Variants in NDUFA10 observed in about 807,000 individuals in gnomAD.
NDUFA10 encodes NADH:ubiquinone oxidoreductase subunit A10, also known as NADH dehydrogenase [ubiquinone] 1 alpha subcomplex subunit 10, mitochondrial.
NDUFA10 carries 40 observed loss-of-function variants against 47.8 expected under a neutral mutation model. That is an observed-to-expected ratio of 0.84 (90% CI 0.65 to 1.09). The LOEUF (loss-of-function observed/expected upper bound fraction) is 1.09, where lower values mean the gene tolerates loss of function less well. NDUFA10 is among the 50% of genes least tolerant of loss of function. The pLI is 0.00. For missense variants in NDUFA10, 413 were observed against 451.1 expected, an observed-to-expected ratio of 0.92 and a Z score of 0.76; for synonymous variants, 183 against 172.2, an observed-to-expected ratio of 1.06 and a Z score of -0.49.
chr2:239,976,930 C>T (rs565143993), intron 9 of NDUFA10, among the ~76,000 whole-genome samples: 7 of 152,164 alleles, frequency 4.6e-5, no homozygotes, highest in Non-Finnish European at 1.0e-4. Context: ...ACCCAAACAG[C>T]AGCTGTGCAC....
At chr2:240,000,450 AC>A (rs1464555070) in intron 8 of NDUFA10, among the ~76,000 whole-genome samples, 1 of 152,266 alleles carries the variant, frequency 6.6e-6, no homozygotes, top group African/African-American at 2.4e-5. Context: ...ATCAGAAAAT[AC>A]TTCTAGAATA....
downstream of NDUFA10, among the ~76,000 whole-genome samples, chr2:239,953,931 G>A (rs1377393432): frequency 6.6e-6 from 1 of 152,092 alleles, no homozygotes; most frequent in Admixed American, 6.5e-5. Context: ...GTGGGGAGTG[G>A]GTTCCACCTG....
intron 4 of NDUFA10, among the ~76,000 whole-genome samples, chr2:239,949,616 C>T (rs1487864317): frequency 6.6e-6 from 1 of 152,226 alleles, no homozygotes; most frequent in African/African-American, 2.4e-5. Flanking sequence ...ACCTCAGCCT[C>T]CCACATAGCT....
chr2:239,998,443 C>T (rs1237893953), intron 8 of NDUFA10, among the ~76,000 whole-genome samples: 2 of 152,250 alleles, frequency 1.3e-5, no homozygotes, highest in Non-Finnish European at 2.9e-5. Context: ...ACAGCTCTTG[C>T]GCTCTCAGAA....
intron 4 of NDUFA10, among the ~76,000 whole-genome samples, chr2:239,949,735 G>T (rs1694520775): frequency 6.6e-6 from 1 of 152,120 alleles, no homozygotes; most frequent in Non-Finnish European, 1.5e-5. Context: ...TCCCACCTCA[G>T]CCTCCCAAAG....
rs918609035 is a variant in NDUFA10, at chr2:240,016,866, A to G, written c.547+1687T>C. 6.6e-6 allele frequency among the ~76,000 whole-genome samples: 1 copy of G among 151,900 alleles called. No homozygotes were observed. Among genetic ancestry groups the G allele is most frequent in the African/African-American group, 2.4e-5 (1 of 41,316 alleles). On this transcript the variant is annotated intron_variant, in intron 4 of 9. Transcript: ENST00000252711. The surrounding 1 kb of genome is among the most constrained non-coding windows in gnomAD (Gnocchi z 4.4). ...TGCCACCTTGCCATGGGAACCTCAC[A>G]CTCAGGAATCCAACGCCCAAACATG...
chr2:239,955,856 G>A (rs1412905032), downstream of NDUFA10, among the ~76,000 whole-genome samples: 1 of 152,154 alleles, frequency 6.6e-6, no homozygotes, highest in African/African-American at 2.4e-5. Context: ...CTCAGCAGAT[G>A]CAACCTCAAC....
chr2:239,991,446 G>A (rs917135892), intron 8 of NDUFA10, among the ~76,000 whole-genome samples: 6 of 152,120 alleles, frequency 3.9e-5, no homozygotes, highest in African/African-American at 1.2e-4. Flanking sequence ...AGATAAGATC[G>A]TTTTCTTAGT....
At chr2:239,916,693 T>C (rs1236375490) in intron 4 of NDUFA10, among the ~76,000 whole-genome samples, 1 of 152,252 alleles carries the variant, frequency 6.6e-6, no homozygotes, top group Non-Finnish European at 1.5e-5. Flanking sequence ...CGAGGGCCGC[T>C]CTCTGCTCCC....
chr2:239,998,123 A>G (rs73105386), intron 8 of NDUFA10, among the ~76,000 whole-genome samples: 30,260 of 152,220 alleles, frequency 0.2, 3,424 homozygotes, highest in African/African-American at 0.31. Flanking sequence ...GTGGTGGCAG[A>G]AGCGCAGGTG....
In NDUFA10 at chr2:239,899,036, A is replaced by AGGAGGGGTGTGAT. The variant is rs1327292980; in HGVS notation, c.295-3735_295-3723dup. ...GGAGGGGAGTCATGGAGGGGTGTAA[A>AGGAGGGGTGTGAT]GGAGGGGTGTGATGGAGGAGTGTGA... On this transcript the variant is annotated intron_variant, in intron 4 of 5. Coordinates refer to the NDUFA10 transcript ENST00000419408. 2.0e-4 allele frequency among the ~76,000 whole-genome samples: 10 copies of AGGAGGGGTGTGAT among 51,072 alleles called. 2 individuals are homozygous for AGGAGGGGTGTGAT. The highest frequency in any genetic ancestry group is 1.0e-3 in the East Asian group (1 of 1,002). The allele number at this position is 51,072 out of a possible 152,430, so 33.5% of individuals were successfully genotyped here.
intron 9 of NDUFA10, among the ~76,000 whole-genome samples, chr2:239,988,718 T>C (rs1182620013): frequency 2.6e-5 from 4 of 152,224 alleles, no homozygotes; most frequent in African/African-American, 9.6e-5. Context: ...GTGGGTTTTC[T>C]GGCCTACACA....
Position 239,929,664 on chromosome 2 carries a change from C to T in NDUFA10, c.295-34350G>A, listed in dbSNP as rs148711565. 8.3e-3 allele frequency among the ~76,000 whole-genome samples: 1,240 copies of T among 149,356 alleles called. 11 individuals are homozygous for T. Among genetic ancestry groups the T allele is most frequent in the African/African-American group, 0.029 (1,171 of 40,542 alleles). ...TCCTCCACCGCCCCTGCTTCTCCAC[C>T]ACCCCTGCTCCTCCACTGCCCCTGC... is the stretch of plus-strand genomic sequence containing the variant. On this transcript the variant is annotated intron_variant, in intron 4 of 5. Coordinates refer to the NDUFA10 transcript ENST00000419408.
intron 9 of NDUFA10, among the ~76,000 whole-genome samples, chr2:239,961,481 G>A (rs921848697): frequency 6.6e-6 from 1 of 152,188 alleles, no homozygotes; most frequent in Non-Finnish European, 1.5e-5. Flanking sequence ...CCACAGGAGG[G>A]GGACAGAGAG....
chr2:239,923,358 C>G (rs10197988), intron 4 of NDUFA10, among the ~76,000 whole-genome samples: 2,784 of 152,182 alleles, frequency 0.018, 78 homozygotes, highest in African/African-American at 0.064. Flanking sequence ...ACATTCTATA[C>G]CTATGAAAAA....
intron 4 of NDUFA10, among the ~76,000 whole-genome samples, chr2:239,921,308 C>A (rs1349870412): frequency 6.6e-6 from 1 of 151,770 alleles, no homozygotes; most frequent in African/African-American, 2.4e-5. Flanking sequence ...AGTGTTATAG[C>A]TCTTAAAGGT....
chr2:239,903,068 G>C (rs765530181), intron 4 of NDUFA10, among the ~76,000 whole-genome samples: 24 of 152,236 alleles, frequency 1.6e-4, no homozygotes, highest in Non-Finnish European at 1.6e-4. Context: ...GAGTGGCTGT[G>C]GTGGAAATCC....
chr2:239,988,321 A>AC (rs758682973), intron 9 of NDUFA10, among the ~76,000 whole-genome samples: 2 of 152,140 alleles, frequency 1.3e-5, no homozygotes, highest in Non-Finnish European at 2.9e-5. Flanking sequence ...GAAAAGGGTG[A>AC]CCCTCCTAAC....
intron 8 of NDUFA10, among the ~76,000 whole-genome samples, chr2:239,997,774 C>G (rs76956112): frequency 2.0e-5 from 3 of 152,168 alleles, no homozygotes. Context: ...TAGCAAATAC[C>G]AGGCTTTGAG....
Sources: allele counts gnomAD v4.1 joint callset (sites outside exome capture counted in the v4.1 genomes callset), GRCh38; gene constraint gnomAD v4.1.1; non-coding constraint Gnocchi (gnomAD v3.1); transcripts MANE v1.5; gene names NCBI Gene and HGNC (gene_info 2026-07-23, HGNC 2026-07-21).